Variants in KLHL18 observed in about 807,000 individuals in gnomAD.
The protein encoded by KLHL18 is kelch-like protein 18.
Under a neutral mutation model 58.5 loss-of-function variants are expected in KLHL18, and 38 were observed. The observed-to-expected ratio is 0.65, with a 90% CI of 0.50 to 0.85. The LOEUF (loss-of-function observed/expected upper bound fraction) is 0.85. KLHL18 is among the 40% of genes least tolerant of loss of function. KLHL18 has a pLI of 0.00. For synonymous variants in KLHL18, 303 were observed against 301.9 expected, an observed-to-expected ratio of 1.00 and a Z score of -0.04; for missense variants, 624 against 778.4, an observed-to-expected ratio of 0.80 and a Z score of 2.36.
At chr3:47,283,231 G>C (rs1221478481) in intron 1 of KLHL18, 137 bp downstream of exon 1, 3 of 653,038 alleles carry the variant, frequency 4.6e-6, no homozygotes, top group African/African-American at 1.9e-5. Context: ...GAGTAGTGGG[G>C]AGAGAGGTGC....
intron 1 of KLHL18, among the ~76,000 whole-genome samples, chr3:47,288,505 G>A (rs1576128704): frequency 6.6e-6 from 1 of 152,190 alleles, no homozygotes; most frequent in Non-Finnish European, 1.5e-5. Flanking sequence ...CCTTAATGGC[G>A]TGTCATCTTT....
rs1703138494 is a variant in KLHL18 at position 47,305,939 on chromosome 3, G to A, written c.130-13714G>A. Among the ~76,000 whole-genome samples, 4 of 151,898 alleles carry A rather than the reference G, an allele frequency of 2.6e-5. No individual in the cohort carries two copies. In the East Asian group the frequency reaches 7.7e-4, roughly 29 times the overall value. On this transcript the variant is annotated intron_variant, in intron 1 of 9. Coordinates refer to ENST00000232766, the MANE Select transcript of KLHL18 (RefSeq NM_025010.5). The stretch of plus-strand genomic sequence containing the variant: ...TGATTGCGGGGTCTGTAGTATTATC[G>A]ACTGTTTCATTCCTGTATTGGTGAT...
chr3:47,323,263 A>G (rs958443090), intron 3 of KLHL18, among the ~76,000 whole-genome samples: 2 of 151,384 alleles, frequency 1.3e-5, no homozygotes, highest in African/African-American at 4.9e-5. Flanking sequence ...TAATTTTTGT[A>G]ATTTTTTTGG....
intron 1 of KLHL18, among the ~76,000 whole-genome samples, chr3:47,305,209 G>T (rs1421703447): frequency 6.6e-6 from 1 of 152,002 alleles, no homozygotes; most frequent in Admixed American, 6.6e-5. Context: ...TTAGGGGTGA[G>T]CGTTCAGTGT....
chr3:47,327,960 C>T (rs1038697392), intron 3 of KLHL18, among the ~76,000 whole-genome samples: 1 of 152,200 alleles, frequency 6.6e-6, no homozygotes, highest in Non-Finnish European at 1.5e-5. Flanking sequence ...AATACCATCC[C>T]TACAGAGAAT....
chr3:47,315,954 AG>A (rs1260930530), intron 1 of KLHL18, among the ~76,000 whole-genome samples: 7 of 152,202 alleles, frequency 4.6e-5, no homozygotes, highest in Admixed American at 2.0e-4. Context: ...CCTACAACAC[AG>A]AAAGATTGTA....
In KLHL18 at chr3:47,319,789, G is replaced by A. The variant is rs993821758; in HGVS notation, c.260+6G>A. 6.2e-7 allele frequency: 1 copy of A among 1,612,906 alleles called. No individual in the cohort carries two copies. The highest frequency in any genetic ancestry group is 1.1e-5 in the South Asian group (1 of 90,976). ...ATGCAAGGAATGGACCCAAGGTACTGAATCCCACCATTAGGTTTCGCAGGC... is the reference window on the plus strand; with the variant it reads ...ATGCAAGGAATGGACCCAAGGTACTAAATCCCACCATTAGGTTTCGCAGGC... On this transcript the variant is annotated splice_donor_region_variant and intron_variant, in intron 2 of 9. Transcript: ENST00000232766.
chr3:47,333,081 G>A (rs1703900774), intron 4 of KLHL18, 76 bp from the exon 5 acceptor site: 3 of 1,468,494 alleles, frequency 2.0e-6, no homozygotes, highest in Admixed American at 1.9e-5. Context: ...AGGAAGTGGA[G>A]GCATTGAGAT....
In KLHL18 at chr3:47,344,039, TG is replaced by T. The variant is rs1559507446; in HGVS notation, c.*100del. On this transcript the variant is annotated 3_prime_UTR_variant, in exon 10 of 10. Transcript: ENST00000232766. ...AGGAGAGGCAGTGGACCAGAAGAGA[TG>T]GCGAAACGTGAGCTCGCCGGAGGTA... 4 of 1,477,664 alleles carry T rather than the reference TG, an allele frequency of 2.7e-6. No individual in the cohort carries two copies. The East Asian group carries it at 9.1e-5, about 34-fold the overall frequency. 91.5% of individuals were successfully genotyped at this position (1,477,664 alleles called of 1,614,324 possible).
At position 47,287,857 on chromosome 3, in the gene KLHL18, C is replaced by T. The variant is rs1702709646; in HGVS notation, c.129+4763C>T. ...GTGGAGATAAATTCATGTGTTCAAC[C>T]TGCCATTTTGAATTTGTTTTAGCTT... On this transcript the variant is annotated intron_variant, in intron 1 of 9. Coordinates refer to ENST00000232766, the MANE Select transcript of KLHL18 (RefSeq NM_025010.5). Among the ~76,000 whole-genome samples, 4 of 152,206 alleles carry T rather than the reference C, an allele frequency of 2.6e-5. No individual in the cohort carries two copies. The South Asian group carries it at 6.2e-4, about 24-fold the overall frequency.
In KLHL18 at chr3:47,294,455, C is replaced by T. The variant is rs528474179; in HGVS notation, c.129+11361C>T. 1.1e-4 allele frequency among the ~76,000 whole-genome samples: 17 copies of T among 152,190 alleles called. 1 individual carries two copies. The South Asian group carries it at 3.5e-3, about 32-fold the overall frequency. On this transcript the variant is annotated intron_variant, in intron 1 of 9. Coordinates refer to ENST00000232766, the MANE Select transcript of KLHL18 (RefSeq NM_025010.5). ...TGAAGAAAAGTAAAGCAGGAGCCAG[C>T]CTCTCTTAATAGAGATCTAAATGAA...
chr3:47,335,552 G>A (rs567138897), intron 6 of KLHL18, among the ~76,000 whole-genome samples: 3 of 152,202 alleles, frequency 2.0e-5, no homozygotes, highest in South Asian at 4.2e-4. Flanking sequence ...TTGTCACTCA[G>A]GCTGGAGTGC....
intron 1 of KLHL18, among the ~76,000 whole-genome samples, chr3:47,299,287 A>C (rs1345873529): frequency 2.6e-5 from 4 of 152,222 alleles, no homozygotes; most frequent in Non-Finnish European, 1.5e-5. Context: ...AGTTGAGTAC[A>C]GTGGTATGTG....
At chr3:47,317,646 T>C (rs1473872604) in intron 1 of KLHL18, among the ~76,000 whole-genome samples, 1 of 152,040 alleles carries the variant, frequency 6.6e-6, no homozygotes, top group Non-Finnish European at 1.5e-5. Flanking sequence ...AAAAAGGAAA[T>C]ATATACTGAC....
chr3:47,342,630 A>G, intron 8 of KLHL18, 89 bp from the exon 9 acceptor site: 4 of 999,320 alleles, frequency 4.0e-6, no homozygotes, highest in Non-Finnish European at 6.2e-6. Context: ...GATGGCCAGC[A>G]CAGTTCACCT....
intron 7 of KLHL18, chr3:47,338,281 C>T (rs932526896): frequency 2.0e-5 from 3 of 152,250 alleles, no homozygotes; most frequent in Non-Finnish European, 2.9e-5. Flanking sequence ...TAGTTAATCT[C>T]ATGCAGTTTT....
chr3:47,294,440 T>G (rs564473593), intron 1 of KLHL18, among the ~76,000 whole-genome samples: 1 of 152,134 alleles, frequency 6.6e-6, no homozygotes, highest in Admixed American at 6.5e-5. Flanking sequence ...TGAAGAAAAG[T>G]AAAGCAGGAG....
intron 1 of KLHL18, among the ~76,000 whole-genome samples, chr3:47,317,479 C>T (rs952543525): frequency 3.9e-5 from 6 of 152,036 alleles, no homozygotes; most frequent in East Asian, 1.9e-4. Context: ...GTTCAGGAAA[C>T]GGGGGTGTTA....
chr3:47,322,600 ACGGCAAC>A lies in KLHL18; in HGVS notation c.295_301del (p.Gly99LeufsTer12). On this transcript the variant is annotated frameshift_variant, in exon 3 of 10. Coordinates refer to ENST00000232766, the MANE Select transcript of KLHL18 (RefSeq NM_025010.5). LOFTEE classifies it high-confidence loss of function. Reference sequence around the variant, plus strand: ...GAGGCTCTGATCAACTTTGCCTACAACGGCAACCTTGCCATTGACCAGCAAAATGTCC... The same window carrying A: ...GAGGCTCTGATCAACTTTGCCTACAACTTGCCATTGACCAGCAAAATGTCC... The A allele has an allele frequency of 2.5e-6, 4 of 1,607,238 alleles. No homozygotes were observed. Among genetic ancestry groups the A allele is most frequent in the Non-Finnish European group, 3.4e-6 (4 of 1,177,316 alleles).
Sources: gnomAD v4.1 joint callset for allele counts (sites outside exome capture counted in the v4.1 genomes callset) on GRCh38, gnomAD v4.1.1 for gene constraint, MANE v1.5 for transcripts, NCBI Gene and HGNC (gene_info 2026-07-23, HGNC 2026-07-21) for gene names.